The following TEX9 variants were observed in gnomAD, a reference collection of about 807,000 sequenced individuals.
TEX9 encodes testis-expressed protein 9.
A neutral mutation model predicts 59.6 loss-of-function variants in TEX9; 74 were observed. That is an observed-to-expected ratio of 1.24 (90% confidence interval 1.03 to 1.51). The LOEUF is 1.51. Among genes scored for constraint, TEX9 ranks in the 40% most tolerant of loss-of-function variants. The probability of loss-of-function intolerance (pLI) is 0.00; values close to 1 mark genes in which losing one functional copy is unlikely to be tolerated. For synonymous variants in TEX9, 186 were observed against 152.2 expected, an observed-to-expected ratio of 1.22 and a Z score of -1.64; for missense variants, 522 against 447.8, an observed-to-expected ratio of 1.17 and a Z score of -1.49.
chr15:56,371,120 T>G (rs1482449778), intron 2 of TEX9, among the ~76,000 whole-genome samples: 1 of 152,184 alleles, frequency 6.6e-6, no homozygotes, highest in African/African-American at 2.4e-5. Flanking sequence ...TGTGCTGGGA[T>G]TACAGATGTG....
intron 1 of TEX9, among the ~76,000 whole-genome samples, chr15:56,278,456 A>G (rs1473805854): frequency 6.6e-6 from 1 of 152,150 alleles, no homozygotes; most frequent in Non-Finnish European, 1.5e-5. Context: ...CTTTGGGCCC[A>G]TCATCCCATT....
At chr15:56,370,059 T>C (rs1462924728) in intron 2 of TEX9, among the ~76,000 whole-genome samples, 1 of 152,204 alleles carries the variant, frequency 6.6e-6, no homozygotes, top group Non-Finnish European at 1.5e-5. Flanking sequence ...TGATAATTTC[T>C]GCCTATTAAT....
chr15:56,422,209 C>T (rs2050012295), intron 10 of TEX9, among the ~76,000 whole-genome samples: 1 of 150,662 alleles, frequency 6.6e-6, no homozygotes, highest in African/African-American at 2.5e-5. Flanking sequence ...ATGTAACTAA[C>T]CTGCACATTG....
intron 9 of TEX9, chr15:56,398,406 T>G (rs1006846145): frequency 1.6e-4 from 24 of 152,202 alleles, no homozygotes; most frequent in Non-Finnish European, 2.6e-4. Context: ...TCTATTTCTA[T>G]TGGTCTAAGA....
chr15:56,458,782 T>C, the TEX9 span, among the ~76,000 whole-genome samples: 2 of 152,006 alleles, frequency 1.3e-5, no homozygotes, highest in African/African-American at 4.8e-5. Context: ...CATGGCTTCA[T>C]AGCTCATTTC....
At chr15:56,310,077 G>A (rs1369512551) in intron 1 of TEX9, among the ~76,000 whole-genome samples, 52 of 152,116 alleles carry the variant, frequency 3.4e-4, no homozygotes, top group African/African-American at 1.2e-3. Context: ...GTTTTCTTAG[G>A]CAGGCACTTT....
At chr15:56,327,237 T>C (rs1449887204) in intron 1 of TEX9, among the ~76,000 whole-genome samples, 1 of 152,222 alleles carries the variant, frequency 6.6e-6, no homozygotes, top group Non-Finnish European at 1.5e-5. Context: ...TTATTACTGA[T>C]GATATAGTAC....
intron 1 of TEX9, among the ~76,000 whole-genome samples, chr15:56,331,051 A>G (rs530437096): frequency 5.1e-4 from 77 of 152,314 alleles, no homozygotes; most frequent in African/African-American, 1.8e-3. Flanking sequence ...AAAAAGAGAG[A>G]CAAAGAAGGT....
chr15:56,406,685 C>T (rs1031103571), intron 9 of TEX9, among the ~76,000 whole-genome samples: 2 of 152,024 alleles, frequency 1.3e-5, no homozygotes, highest in Non-Finnish European at 1.5e-5. Context: ...ATTTGTATTT[C>T]CTTTATAACT....
chr15:56,415,903 C>G (rs964029360), intron 10 of TEX9, among the ~76,000 whole-genome samples: 3 of 151,712 alleles, frequency 2.0e-5, no homozygotes, highest in Admixed American at 6.6e-5. Context: ...TCTCTGATTT[C>G]TTTGAGCAGT....
At position 56,368,806 on chromosome 15, in the gene TEX9, A is replaced by T. The variant is rs548141971; in HGVS notation, c.119+3136A>T. On this transcript the variant is annotated intron_variant, in intron 2 of 12. Transcript: ENST00000352903. Reference sequence around the variant, plus strand: ...TTTATTTTTGTCTTTTTCTTTTTCTATCAAGCTTCCTGGGAGATTTATCTG... The same window carrying T: ...TTTATTTTTGTCTTTTTCTTTTTCTTTCAAGCTTCCTGGGAGATTTATCTG... Among the ~76,000 whole-genome samples the T allele has an allele frequency of 9.2e-5, 14 of 152,030 alleles. No homozygotes were observed. In the South Asian group the frequency reaches 1.9e-3, roughly 20 times the overall value.
intron 9 of TEX9, chr15:56,398,018 T>C (rs1381217341): frequency 2.6e-5 from 4 of 152,258 alleles, no homozygotes; most frequent in Non-Finnish European, 5.9e-5. Flanking sequence ...CCATTCCTTT[T>C]TATTGCTGAG....
intron 4 of TEX9, among the ~76,000 whole-genome samples, chr15:56,388,048 C>T (rs1372234607): frequency 6.6e-6 from 1 of 151,984 alleles, no homozygotes; most frequent in Non-Finnish European, 1.5e-5. Flanking sequence ...TTTCTACCCT[C>T]ATAGAGTTCA....
intron 1 of TEX9, among the ~76,000 whole-genome samples, chr15:56,298,555 C>T (rs2682006): frequency 0.61 from 92,450 of 151,964 alleles, 28,607 homozygotes; most frequent in East Asian, 0.88. Flanking sequence ...GGGCCCATAT[C>T]ATATAATAGA....
At chr15:56,444,645 A>G (rs1345336234) in intron 12 of TEX9, 2 of 1,610,668 alleles carry the variant, frequency 1.2e-6, no homozygotes, top group Admixed American at 3.4e-5. Flanking sequence ...TTCTTCCATC[A>G]TGGTTTTGGC....
chr15:56,332,149 T>C, intron 1 of TEX9, among the ~76,000 whole-genome samples: 1 of 124,298 alleles, frequency 8.0e-6, no homozygotes, highest in Non-Finnish European at 1.7e-5. Context: ...TGAATCATGC[T>C]GCTGTAAAGA....
chr15:56,381,212 G>A (rs1222672489), intron 3 of TEX9, among the ~76,000 whole-genome samples: 2 of 152,022 alleles, frequency 1.3e-5, no homozygotes, highest in Non-Finnish European at 1.5e-5. Flanking sequence ...CCTTCAGTAT[G>A]TCAGTTGCAT....
At chr15:56,351,982 TC>T (rs1815438737) in intron 1 of TEX9, among the ~76,000 whole-genome samples, 2 of 152,172 alleles carry the variant, frequency 1.3e-5, no homozygotes, top group Admixed American at 6.5e-5. Context: ...ACTATTATCA[TC>T]CCCTTTAGTA....
chr15:56,285,503 C>G (rs749717317), intron 1 of TEX9, among the ~76,000 whole-genome samples: 22 of 152,258 alleles, frequency 1.4e-4, no homozygotes, highest in Admixed American at 9.8e-4. Context: ...ATCTCCACCA[C>G]CCTGTAAGTT....
Sources: gnomAD v4.1 joint callset for allele counts (sites outside exome capture counted in the v4.1 genomes callset) on GRCh38, gnomAD v4.1.1 for gene constraint, MANE v1.5 for transcripts, NCBI Gene and HGNC (gene_info 2026-07-23, HGNC 2026-07-21) for gene names.